Variants in MBD5 observed in about 807,000 individuals in gnomAD.
MBD5 encodes the protein methyl-CpG-binding domain protein 5.
In MBD5, 13 loss-of-function variants were observed where a neutral mutation model predicts 117.3. That is an observed-to-expected ratio of 0.11 (90% CI 0.07 to 0.18). The LOEUF is 0.18. MBD5 is among the 10% of genes least tolerant of loss of function. The pLI is 1.00. For synonymous variants in MBD5, 727 were observed against 766.4 expected, an observed-to-expected ratio of 0.95 and a Z score of 0.85; for missense variants, 1,879 against 2,093.8, an observed-to-expected ratio of 0.90 and a Z score of 2.00.
At chr2:148,211,963 G>A (rs978025641) in intron 2 of MBD5, among the ~76,000 whole-genome samples, 36 of 151,972 alleles carry the variant, frequency 2.4e-4, no homozygotes, top group African/African-American at 8.5e-4. Flanking sequence ...TGCTCAGGCT[G>A]GTCTCAAATT....
chr2:148,157,498 G>T (rs556603103), intron 1 of MBD5, among the ~76,000 whole-genome samples: 1 of 152,232 alleles, frequency 6.6e-6, no homozygotes, highest in South Asian at 2.1e-4. Flanking sequence ...GAGACCTTGA[G>T]CAGTGTCTCT....
intron 2 of MBD5, among the ~76,000 whole-genome samples, chr2:148,223,802 G>A (rs959074489): frequency 6.6e-6 from 1 of 151,946 alleles, no homozygotes; most frequent in East Asian, 1.9e-4. Flanking sequence ...AGTTCTTTAA[G>A]ATGAATCTTT....
intron 10 of MBD5, among the ~76,000 whole-genome samples, chr2:148,488,805 TG>T (rs1681421537): frequency 6.6e-6 from 1 of 152,170 alleles, no homozygotes; most frequent in Admixed American, 6.5e-5. Flanking sequence ...AAACAGCCAT[TG>T]TCACTATTGA....
intron 4 of MBD5, among the ~76,000 whole-genome samples, chr2:148,389,911 A>G (rs1429300970): frequency 1.3e-5 from 2 of 151,804 alleles, no homozygotes; most frequent in Admixed American, 1.3e-4. Context: ...TTCTTTTACT[A>G]TGCCGAGCTC....
chr2:148,463,432 GT>G (rs1296257259), intron 6 of MBD5, among the ~76,000 whole-genome samples: 4 of 152,050 alleles, frequency 2.6e-5, no homozygotes, highest in Non-Finnish European at 5.9e-5. Context: ...TACTTCATCT[GT>G]TTTTACACTG....
chr2:148,140,661 T>C lies in MBD5; in HGVS notation c.-924-38039T>C, dbSNP rs1697291273. 2.0e-5 allele frequency among the ~76,000 whole-genome samples: 3 copies of C among 152,238 alleles called. No homozygotes were observed. In the South Asian group the frequency reaches 6.2e-4, roughly 31 times the overall value. ...GTCATACAAAGTACTTTTTTCCTAA[T>C]ACATTTTTGAGATAAGTAGGATATA... On this transcript the variant is annotated intron_variant, in intron 1 of 13. Transcript: ENST00000642680.
chr2:148,210,562 AC>A (rs1054903660), intron 2 of MBD5, among the ~76,000 whole-genome samples: 4 of 152,012 alleles, frequency 2.6e-5, no homozygotes, highest in African/African-American at 9.7e-5. Flanking sequence ...ATTGTGATTT[AC>A]CACATATTAG....
intron 1 of MBD5, among the ~76,000 whole-genome samples, chr2:148,059,478 A>T (rs954074591): frequency 2.0e-5 from 3 of 152,216 alleles, no homozygotes; most frequent in African/African-American, 7.2e-5. Flanking sequence ...TTAGCTATGT[A>T]AATATACTAG....
At chr2:148,285,121 T>C (rs1299396341) in intron 3 of MBD5, among the ~76,000 whole-genome samples, 3 of 152,178 alleles carry the variant, frequency 2.0e-5, no homozygotes, top group African/African-American at 7.2e-5. Context: ...AAATAAATAC[T>C]AAACAGAGGC....
chr2:148,338,687 A>G (rs560594069), intron 3 of MBD5, among the ~76,000 whole-genome samples: 11 of 152,308 alleles, frequency 7.2e-5, no homozygotes, highest in African/African-American at 2.6e-4. Flanking sequence ...TGTTTTTGCA[A>G]AGCACACAGT....
chr2:148,404,424 C>T (rs1705016927), intron 4 of MBD5, among the ~76,000 whole-genome samples: 1 of 152,156 alleles, frequency 6.6e-6, no homozygotes, highest in Non-Finnish European at 1.5e-5. Context: ...GTTATCCCCT[C>T]ACATGCTGAA....
intron 8 of MBD5, among the ~76,000 whole-genome samples, chr2:148,472,810 G>C (rs535728776): frequency 6.6e-6 from 1 of 152,148 alleles, no homozygotes; most frequent in South Asian, 2.1e-4. Context: ...GCTATCTATC[G>C]TCAAGTACCT....
intron 1 of MBD5, among the ~76,000 whole-genome samples, chr2:148,042,838 AG>A (rs1315459255): frequency 1.3e-5 from 2 of 152,196 alleles, no homozygotes; most frequent in Non-Finnish European, 2.9e-5. Context: ...TTACAAATAA[AG>A]GGATCGATCT....
intron 3 of MBD5, among the ~76,000 whole-genome samples, chr2:148,247,765 T>G (rs1259635180): frequency 1.3e-5 from 2 of 152,180 alleles, no homozygotes; most frequent in Non-Finnish European, 2.9e-5. Flanking sequence ...TATTTGTTTA[T>G]TTTTGAAACC....
chr2:148,173,288 G>A (rs1574094105), intron 1 of MBD5, among the ~76,000 whole-genome samples: 1 of 152,216 alleles, frequency 6.6e-6, no homozygotes, highest in South Asian at 2.1e-4. Context: ...GTTCCCAGGT[G>A]TCTCCGGTGG....
At chr2:148,288,749 A>G (rs1701428729) in intron 3 of MBD5, among the ~76,000 whole-genome samples, 1 of 152,130 alleles carries the variant, frequency 6.6e-6, no homozygotes, top group South Asian at 2.1e-4. Flanking sequence ...TGAAGTAGAA[A>G]TAATAAAAAG....
chr2:148,237,113 TTAAA>T (rs1252673387), intron 3 of MBD5, among the ~76,000 whole-genome samples: 3 of 152,368 alleles, frequency 2.0e-5, no homozygotes, highest in Non-Finnish European at 4.4e-5. Flanking sequence ...CAGCTTTGGC[TTAAA>T]TAAATGTTGT....
intron 4 of MBD5, among the ~76,000 whole-genome samples, chr2:148,362,712 T>TCCTCACACA (rs1703578838): frequency 6.6e-6 from 1 of 151,816 alleles, no homozygotes; most frequent in Non-Finnish European, 1.5e-5. Context: ...CCAGCAGGGG[T>TCCTCACACA]CGACAGACAC....
chr2:148,508,522 T>C (rs1007019544), intron 12 of MBD5, among the ~76,000 whole-genome samples: 1 of 152,184 alleles, frequency 6.6e-6, no homozygotes, highest in African/African-American at 2.4e-5. Context: ...ACTCCAGCTT[T>C]ATTTTTTTAA....
Sources: gnomAD v4.1 joint callset for allele counts (sites outside exome capture counted in the v4.1 genomes callset) on GRCh38, gnomAD v4.1.1 for gene constraint, MANE v1.5 for transcripts, NCBI Gene and HGNC (gene_info 2026-07-23, HGNC 2026-07-21) for gene names.